NPAS2: variants seen among roughly 807,000 people sequenced by gnomAD.
NPAS2 encodes neuronal PAS domain-containing protein 2.
Under a neutral mutation model 107.5 loss-of-function variants are expected in NPAS2, and 23 were observed. The ratio of observed to expected loss-of-function variants is 0.21; its 90% CI spans 0.15 to 0.30. The LOEUF is 0.30. Ranked by LOEUF, NPAS2 falls within the 10% of genes least tolerant of loss-of-function variation. The pLI, the probability that NPAS2 is intolerant of heterozygous loss-of-function variation, is 1.00. For missense variants in NPAS2, 756 were observed against 1,043.3 expected, an observed-to-expected ratio of 0.72 and a Z score of 3.79; for synonymous variants, 403 against 417.5, an observed-to-expected ratio of 0.97 and a Z score of 0.42.
intron 11 of NPAS2, among the ~76,000 whole-genome samples, chr2:100,969,291 A>G (rs1676410018): frequency 6.6e-6 from 1 of 151,826 alleles, no homozygotes; most frequent in Non-Finnish European, 1.5e-5. Flanking sequence ...TCAACCCATC[A>G]TTTAGGCTTT....
chr2:100,877,506 T>C (rs1680055400), intron 1 of NPAS2, among the ~76,000 whole-genome samples: 1 of 151,446 alleles, frequency 6.6e-6, no homozygotes, highest in Admixed American at 6.6e-5. Context: ...GAAGAGTTGC[T>C]TCTAAAGATT....
chr2:100,853,449 A>G (rs960129823), intron 1 of NPAS2, among the ~76,000 whole-genome samples: 4 of 152,212 alleles, frequency 2.6e-5, no homozygotes, highest in Non-Finnish European at 4.4e-5. Context: ...CTGGGTGAAC[A>G]TAGTACATAT....
intron 8 of NPAS2, 123 bp from the exon 9 acceptor site, chr2:100,964,738 G>T: frequency 1.6e-6 from 1 of 639,498 alleles, no homozygotes. Context: ...AGTCCAACAC[G>T]ACTTGGAGAC....
intron 1 of NPAS2, among the ~76,000 whole-genome samples, chr2:100,843,072 AGCTGGGTGTGGTGGT>A (rs949538899): frequency 6.6e-6 from 1 of 151,956 alleles, no homozygotes; most frequent in Non-Finnish European, 1.5e-5. Flanking sequence ...TACAAAAATT[AGCTGGGTGTGGTGGT>A]GCATGCCTGT....
At chr2:100,967,970 C>A (rs1417784185) in intron 10 of NPAS2, among the ~76,000 whole-genome samples, 2 of 152,196 alleles carry the variant, frequency 1.3e-5, no homozygotes, top group East Asian at 3.9e-4. Flanking sequence ...GGAGGATGAG[C>A]ACCAGGCAAA....
chr2:100,878,492 A>T lies in NPAS2; in HGVS notation c.-22-26241A>T, dbSNP rs373934672. 3.6e-5 allele frequency: 35 copies of T among 985,484 alleles called. No individual in the cohort carries two copies. In the African/African-American group the frequency reaches 5.4e-4, roughly 15 times the overall value. 61.0% of individuals were successfully genotyped at this position (985,484 alleles called of 1,614,324 possible). A position where few individuals can be genotyped will look rare whatever the true frequency, so the allele number is the denominator to read the frequency against. ...CTCCCTCTGTGACATTGAAGCAAGA[A>T]GAAAAGGCATGGAGAGATTTGGCTA... is the stretch of plus-strand genomic sequence containing the variant. On this transcript the variant is annotated intron_variant, in intron 1 of 20. Coordinates refer to ENST00000335681, the MANE Select transcript of NPAS2 (RefSeq NM_002518.4).
intron 1 of NPAS2, among the ~76,000 whole-genome samples, chr2:100,895,083 G>A (rs1681317184): frequency 6.7e-6 from 1 of 149,290 alleles, no homozygotes; most frequent in Admixed American, 6.7e-5. Context: ...GACAGCGTAT[G>A]TGTGTCTGTC....
chr2:100,939,898 G>A (rs190690314), intron 5 of NPAS2, among the ~76,000 whole-genome samples: 58 of 152,236 alleles, frequency 3.8e-4, no homozygotes, highest in African/African-American at 1.3e-3. Flanking sequence ...GAAATGACCC[G>A]ACTCTAATTT....
chr2:100,880,423 GTA>G (rs756333165), intron 1 of NPAS2, among the ~76,000 whole-genome samples: 10 of 152,156 alleles, frequency 6.6e-5, no homozygotes, highest in Non-Finnish European at 1.2e-4. Flanking sequence ...GGTACCATAT[GTA>G]TATATATAGG....
At position 100,925,312 on chromosome 2, in the gene NPAS2, C is replaced by G. The variant is rs1007449280; in HGVS notation, c.181+18C>G. 1.2e-6 allele frequency: 2 copies of G among 1,612,672 alleles called. No homozygotes were observed. The highest frequency in any genetic ancestry group is 2.2e-5 in the East Asian group (1 of 44,874). ...ACACAATGGTAAAGGTCACCCTTCTCTCTGTTTTTTTTCCACCCTGCCCCG... is the reference window on the plus strand; with the variant it reads ...ACACAATGGTAAAGGTCACCCTTCTGTCTGTTTTTTTTCCACCCTGCCCCG... On this transcript the variant is annotated intron_variant, in intron 3 of 20. Transcript: ENST00000335681.
At position 100,996,028 on chromosome 2, in the gene NPAS2, AAAG is replaced by A. The variant is rs1160019558; in HGVS notation, c.*448_*450del. 1 of 1,084,192 alleles carries A rather than the reference AAAG, an allele frequency of 9.2e-7. No homozygotes were observed. The highest frequency in any genetic ancestry group is 5.8e-5 in the East Asian group (1 of 17,266). 67.2% of individuals were successfully genotyped at this position (1,084,192 alleles called of 1,614,324 possible). A position where few individuals can be genotyped will look rare whatever the true frequency, so the allele number is the denominator to read the frequency against. ...CAGAGATCTGTTGGAGAGAGAGAAT[AAAG>A]AGATTATTTTTCATTATTTTTAAAT... On this transcript the variant is annotated 3_prime_UTR_variant, in exon 21 of 21. Coordinates refer to ENST00000335681, the MANE Select transcript of NPAS2 (RefSeq NM_002518.4).
intron 10 of NPAS2, among the ~76,000 whole-genome samples, chr2:100,967,293 C>CTCGGCTCGCTGCAAGCT (rs1258346683): frequency 7.9e-6 from 1 of 125,868 alleles, no homozygotes; most frequent in Non-Finnish European, 1.6e-5. Context: ...GTCACCCAGT[C>CTCGGCTCGCTGCAAGCT]TCGGCTCGCT....
At chr2:100,975,959 A>G (rs1676970838) in intron 14 of NPAS2, among the ~76,000 whole-genome samples, 1 of 152,144 alleles carries the variant, frequency 6.6e-6, no homozygotes, top group Non-Finnish European at 1.5e-5. Context: ...ACCTCTGCAC[A>G]TATCAGGTAG....
chr2:100,990,956 G>A (rs1228927883), intron 19 of NPAS2, 84 bp downstream of exon 19: 2 of 1,115,396 alleles, frequency 1.8e-6, no homozygotes, highest in African/African-American at 1.5e-5. Flanking sequence ...TGGGCCAGCA[G>A]CACTCACATG....
intron 1 of NPAS2, among the ~76,000 whole-genome samples, chr2:100,834,261 AC>A (rs1447331898): frequency 6.6e-6 from 1 of 152,116 alleles, no homozygotes; most frequent in African/African-American, 2.4e-5. Context: ...CGCACTCTCC[AC>A]CCAGAGGTTT....
rs556627191 is a variant in NPAS2, at chr2:100,820,824, C to T, written c.-23+410C>T. The stretch of plus-strand genomic sequence containing the variant: ...AGACCCATCGCGCTACCCTCCGAAA[C>T]GTCGGGCGTCCTGGACCCCCGGAGA... On this transcript the variant is annotated intron_variant, in intron 1 of 20. Coordinates refer to ENST00000335681, the MANE Select transcript of NPAS2 (RefSeq NM_002518.4). This position sits in a 1 kb window ranked among gnomAD's most constrained non-coding sequence, Gnocchi z 5.6. Among the ~76,000 whole-genome samples the T allele has an allele frequency of 3.2e-4, 48 of 152,282 alleles. 1 individual carries two copies. Among genetic ancestry groups the T allele is most frequent in the African/African-American group, 9.6e-4 (40 of 41,584 alleles).
intron 16 of NPAS2, chr2:100,983,372 G>A (rs944102968): frequency 1.3e-5 from 2 of 152,318 alleles, no homozygotes; most frequent in Admixed American, 1.3e-4. Context: ...ACACAGTGGT[G>A]CAGGTGTCTG....
At chr2:100,889,172 C>T (rs1238310294) in intron 1 of NPAS2, among the ~76,000 whole-genome samples, 5 of 152,160 alleles carry the variant, frequency 3.3e-5, no homozygotes, top group African/African-American at 7.2e-5. Context: ...GTCCCATTAC[C>T]GGTGATGGTA....
At chr2:100,859,766 G>C (rs1280495977) in intron 1 of NPAS2, among the ~76,000 whole-genome samples, 2 of 152,176 alleles carry the variant, frequency 1.3e-5, no homozygotes, top group Non-Finnish European at 2.9e-5. Flanking sequence ...GGGTGGGTGG[G>C]TTGGTTGGTT....
Sources: gnomAD v4.1 joint callset for allele counts (sites outside exome capture counted in the v4.1 genomes callset) on GRCh38, gnomAD v4.1.1 for gene constraint, Gnocchi (gnomAD v3.1) non-coding constraint, MANE v1.5 for transcripts, NCBI Gene and HGNC (gene_info 2026-07-23, HGNC 2026-07-21) for gene names.